The following AOAH variants were observed in gnomAD, a reference collection of about 807,000 sequenced individuals.
AOAH encodes acyloxyacyl hydrolase (neutrophil).
A neutral mutation model predicts 92.2 loss-of-function variants in AOAH; 64 were observed. The ratio of observed to expected loss-of-function variants is 0.69; its 90% CI spans 0.57 to 0.86. AOAH has a LOEUF of 0.86. Among genes scored for constraint, AOAH ranks in the 40% least tolerant of loss-of-function variants. The probability of loss-of-function intolerance (pLI) is 0.00; values close to 1 mark genes in which losing one functional copy is unlikely to be tolerated. For missense variants in AOAH, 656 were observed against 694.6 expected (o/e 0.94, Z 0.62); for synonymous variants, 263 against 254.5 (o/e 1.03, Z -0.32).
chr7:36,683,795 T>C (rs1796797326), intron 2 of AOAH, among the ~76,000 whole-genome samples: 1 of 152,178 alleles, frequency 6.6e-6, no homozygotes, highest in Non-Finnish European at 1.5e-5. Flanking sequence ...TATATACATG[T>C]TTCCTATTTC....
chr7:36,703,330 CT>C (rs1462671791), intron 1 of AOAH, among the ~76,000 whole-genome samples: 1 of 152,110 alleles, frequency 6.6e-6, no homozygotes, highest in Non-Finnish European at 1.5e-5. Flanking sequence ...TTTCAATTTA[CT>C]TTTCCGAGAT....
At chr7:36,703,261 G>T (rs148952409) in intron 1 of AOAH, among the ~76,000 whole-genome samples, 1,644 of 152,108 alleles carry the variant, frequency 0.011, 40 homozygotes, top group Admixed American at 0.056. Context: ...CTGATATTTT[G>T]ACCTCCTCCC....
At chr7:36,646,040 A>G (rs976106306) in intron 4 of AOAH, among the ~76,000 whole-genome samples, 1 of 151,784 alleles carries the variant, frequency 6.6e-6, no homozygotes, top group Admixed American at 6.6e-5. Flanking sequence ...ATTCCCACCA[A>G]CTCCTTTTCC....
chr7:36,514,506 T>C, intron 20 of AOAH: 1 of 1,536,010 alleles, frequency 6.5e-7, no homozygotes, highest in African/African-American at 1.4e-5. Flanking sequence ...AGGTTTCCCT[T>C]TATCCATGAT....
intron 11 of AOAH, among the ~76,000 whole-genome samples, chr7:36,608,055 G>A (rs1791136142): frequency 6.6e-6 from 1 of 152,240 alleles, no homozygotes. Flanking sequence ...TCTGCAGGAT[G>A]TCCAGTGGCC....
intron 13 of AOAH, among the ~76,000 whole-genome samples, chr7:36,572,203 G>GA (rs1788187365): frequency 6.6e-6 from 1 of 151,922 alleles, no homozygotes; most frequent in African/African-American, 2.4e-5. Context: ...TTTTGACATT[G>GA]AAAAAAATGA....
At chr7:36,591,255 G>A (rs1487964394) in intron 12 of AOAH, among the ~76,000 whole-genome samples, 1 of 152,186 alleles carries the variant, frequency 6.6e-6, no homozygotes, top group Non-Finnish European at 1.5e-5. Flanking sequence ...AAAAGTTCCT[G>A]CAGGGGAGGT....
intron 5 of AOAH, among the ~76,000 whole-genome samples, chr7:36,636,700 T>C (rs1200143244): frequency 6.6e-6 from 1 of 152,254 alleles, no homozygotes; most frequent in African/African-American, 2.4e-5. Context: ...CATGTATTTA[T>C]TGGCCTTGTT....
intron 1 of AOAH, among the ~76,000 whole-genome samples, chr7:36,716,860 T>C (rs931829943): frequency 6.6e-6 from 1 of 151,866 alleles, no homozygotes; most frequent in African/African-American, 2.4e-5. Flanking sequence ...CATTAGGAGA[T>C]ATACCTAATG....
At chr7:36,722,137 C>T (rs1458969070) in intron 1 of AOAH, among the ~76,000 whole-genome samples, 10 of 152,164 alleles carry the variant, frequency 6.6e-5, no homozygotes, top group Admixed American at 6.5e-4. Flanking sequence ...GTCACTCCTA[C>T]ATGGAGAAGA....
chr7:36,628,403 C>G (rs1260398209), intron 6 of AOAH, among the ~76,000 whole-genome samples: 1 of 152,176 alleles, frequency 6.6e-6, no homozygotes, highest in Non-Finnish European at 1.5e-5. Context: ...ATGGTCATAG[C>G]CTGATAGCTA....
intron 13 of AOAH, among the ~76,000 whole-genome samples, chr7:36,556,597 C>T (rs1786735205): frequency 6.7e-6 from 1 of 148,418 alleles, no homozygotes; most frequent in East Asian, 2.0e-4. Context: ...TAAAGTCTCC[C>T]ATTATTATTG....
At chr7:36,572,602 G>C (rs1360473225) in intron 13 of AOAH, among the ~76,000 whole-genome samples, 1 of 152,062 alleles carries the variant, frequency 6.6e-6, no homozygotes, top group Non-Finnish European at 1.5e-5. Flanking sequence ...TAATACAGTT[G>C]GTAGGTGGAA....
rs1785966977 is a variant in AOAH, at chr7:36,548,638, G to A, written c.1107C>T (p.Ala369=). The A allele has an allele frequency of 6.2e-7, 1 of 1,613,588 alleles. No homozygotes were observed. The highest frequency in any genetic ancestry group is 8.5e-7 in the Non-Finnish European group (1 of 1,179,744). Residue 369 remains alanine, a synonymous_variant, in exon 15 of 21, where the codon GCC becomes GCT. Coordinates refer to ENST00000617537, the MANE Select transcript of AOAH (RefSeq NM_001637.4). The part of the protein sequence containing the change: ...VLDYPAIVIY[A]MIGNDVCSGK... The stretch of plus-strand genomic sequence containing the variant: ...CACTGCAGACATCATTTCCAATCAT[G>A]GCATATATAACGATGGCGGGATAGT...
At chr7:36,604,006 TTCAAGA>T (rs1349180161) in intron 11 of AOAH, among the ~76,000 whole-genome samples, 1 of 152,156 alleles carries the variant, frequency 6.6e-6, no homozygotes, top group Non-Finnish European at 1.5e-5. Context: ...GACTGGGAAG[TTCAAGA>T]TCAAGGTGCT....
chr7:36,632,277 T>C (rs1793174989), intron 5 of AOAH, among the ~76,000 whole-genome samples, 171 bp from the exon 6 acceptor site: 1 of 152,116 alleles, frequency 6.6e-6, no homozygotes, highest in Non-Finnish European at 1.5e-5. Context: ...TCCATATCCA[T>C]GCCACTGCCT....
chr7:36,695,354 A>C (rs1164284429), intron 1 of AOAH, among the ~76,000 whole-genome samples: 1 of 152,214 alleles, frequency 6.6e-6, no homozygotes, highest in Non-Finnish European at 1.5e-5. Context: ...TATGTTTCTT[A>C]ATAGCTGCCT....
intron 12 of AOAH, among the ~76,000 whole-genome samples, chr7:36,590,847 G>C (rs1211986580): frequency 6.6e-6 from 1 of 152,182 alleles, no homozygotes; most frequent in East Asian, 1.9e-4. Flanking sequence ...CCACAAATGA[G>C]GACCTCCATC....
intron 12 of AOAH, among the ~76,000 whole-genome samples, chr7:36,578,395 G>A (rs865891538): frequency 1.2e-4 from 18 of 152,182 alleles, no homozygotes; most frequent in Admixed American, 1.3e-4. Context: ...ATGAGAATTA[G>A]AGTAGCCAAA....
Sources: gnomAD v4.1 joint callset for allele counts (sites outside exome capture counted in the v4.1 genomes callset) on GRCh38, gnomAD v4.1.1 for gene constraint, MANE v1.5 for transcripts, NCBI Gene and HGNC (gene_info 2026-07-23, HGNC 2026-07-21) for gene names.